Variants in FBXO25 observed in about 807,000 individuals in gnomAD.
FBXO25 encodes F-box only protein 25.
A neutral mutation model predicts 51.9 loss-of-function variants in FBXO25; 45 were observed. That is an observed-to-expected ratio of 0.87 (90% CI 0.68 to 1.11). The LOEUF (loss-of-function observed/expected upper bound fraction) is 1.11, where lower values mean the gene tolerates loss of function less well. FBXO25 is among the 50% of genes most tolerant of loss of function. The probability of loss-of-function intolerance (pLI) is 0.00; values close to 1 mark genes in which losing one functional copy is unlikely to be tolerated. For synonymous variants in FBXO25, 199 were observed against 151.0 expected, an observed-to-expected ratio of 1.32 and a Z score of -2.33; for missense variants, 507 against 428.5, an observed-to-expected ratio of 1.18 and a Z score of -1.62.
In FBXO25 at chr8:476,206, C is replaced by T. The variant is rs957144138; in HGVS notation, c.*7402C>T. On this transcript the variant is annotated 3_prime_UTR_variant, in exon 10 of 10. Transcript: ENST00000350302. The stretch of plus-strand genomic sequence containing the variant: ...ATGTTGAAACATCTTTGCATACCAG[C>T]TGTAAATCTTACTTGGCCATGATGT... The T allele has an allele frequency of 1.3e-5, 2 of 152,138 alleles. No individual in the cohort carries two copies. Among genetic ancestry groups the T allele is most frequent in the African/African-American group, 2.4e-5 (1 of 41,438 alleles). The allele number at this position is 152,138 out of a possible 1,614,324, so 9.4% of individuals were successfully genotyped here.
rs547087813 is a variant in FBXO25, at chr8:475,816, A to G, written c.*7012A>G. On this transcript the variant is annotated 3_prime_UTR_variant, in exon 10 of 10. Transcript: ENST00000350302. ...ATGTATGGACACTAGGATTTTCTAC[A>G]TATAAGATCATGTCATCTGCAAACA... The G allele has an allele frequency of 9.9e-5, 15 of 152,240 alleles. No individual in the cohort carries two copies. In the East Asian group the frequency reaches 2.9e-3, roughly 29 times the overall value. The allele number at this position is 152,240 out of a possible 1,614,324, so 9.4% of individuals were successfully genotyped here.
At chr8:434,606 G>C (rs1174132021) in intron 4 of FBXO25, among the ~76,000 whole-genome samples, 1 of 152,148 alleles carries the variant, frequency 6.6e-6, no homozygotes, top group Non-Finnish European at 1.5e-5. Context: ...GACTCCAGCT[G>C]CTTTCTCTAG....
chr8:441,386 A>T (rs1441631232), intron 5 of FBXO25, among the ~76,000 whole-genome samples: 2 of 152,256 alleles, frequency 1.3e-5, no homozygotes, highest in Non-Finnish European at 1.5e-5. Flanking sequence ...TTAAAGACTT[A>T]AACATAAGAC....
chr8:454,708 G>A (rs1450910284), intron 7 of FBXO25, among the ~76,000 whole-genome samples: 3 of 152,002 alleles, frequency 2.0e-5, no homozygotes, highest in Non-Finnish European at 4.4e-5. Flanking sequence ...TGGCTAACAC[G>A]GTGAAATCCC....
In FBXO25 at chr8:412,840, T is replaced by A. The variant is rs372232582; in HGVS notation, c.-7-233T>A. Among the ~76,000 whole-genome samples, 10 of 152,324 alleles carry A rather than the reference T, an allele frequency of 6.6e-5. No homozygotes were observed. The East Asian group carries it at 1.5e-3, about 24-fold the overall frequency. ...TAGAATGTCACCTCTGGTAAACCTTTCATGGGATACGCAGTATTAGGCCAG... is the reference window on the plus strand; with the variant it reads ...TAGAATGTCACCTCTGGTAAACCTTACATGGGATACGCAGTATTAGGCCAG... On this transcript the variant is annotated intron_variant, in intron 1 of 9. Coordinates refer to ENST00000350302, the MANE Select transcript of FBXO25 (RefSeq NM_183420.2).
At position 458,495 on chromosome 8, in the gene FBXO25, A is replaced by C. The variant is rs1307991272; in HGVS notation, c.787A>C (p.Ser263Arg). Residue 263 changes from serine (S) to arginine (R), a missense_variant, in exon 8 of 10, where the codon AGT (serine) becomes CGT (arginine). Ser to Arg is a moderately radical substitution (Grantham distance 110). Transcript: ENST00000350302. Reference protein sequence around the residue: ...GQVTPTLYMLSEDRQLWKKLC... With the variant: ...GQVTPTLYMLREDRQLWKKLC... ...GGTGACCCCCACGTTGTATATGCTT[A>C]GTGAAGACAGACAGCTGTGGAAGAA... 5.0e-6 allele frequency: 8 copies of C among 1,614,200 alleles called. No individual in the cohort carries two copies. Among genetic ancestry groups the C allele is most frequent in the South Asian group, 1.1e-5 (1 of 91,080 alleles).
At chr8:421,227 A>G (rs1215735559) in intron 2 of FBXO25, among the ~76,000 whole-genome samples, 5 of 152,070 alleles carry the variant, frequency 3.3e-5, no homozygotes, top group African/African-American at 9.7e-5. Flanking sequence ...TAACTAACTA[A>G]TGCCTGATGA....
At chr8:456,022 C>T (rs1162101629) in intron 7 of FBXO25, among the ~76,000 whole-genome samples, 1 of 152,146 alleles carries the variant, frequency 6.6e-6, no homozygotes, top group Non-Finnish European at 1.5e-5. Flanking sequence ...TTCGTACTAC[C>T]TTCATACCAC....
chr8:454,059 G>A (rs1457896407), intron 7 of FBXO25, among the ~76,000 whole-genome samples: 1 of 152,146 alleles, frequency 6.6e-6, no homozygotes, highest in African/African-American at 2.4e-5. Context: ...GGGAGGTGGA[G>A]GTTGCAGTGA....
rs532376303 is a variant in FBXO25, at chr8:427,118, A to C, written c.135-4223A>C. 8.0e-3 allele frequency among the ~76,000 whole-genome samples: 1,215 copies of C among 152,104 alleles called. 8 individuals are homozygous for C. Among genetic ancestry groups the C allele is most frequent in the African/African-American group, 0.028 (1,168 of 41,468 alleles). ...CTGATTGGAAAATGTACAGATAAAA[A>C]GCTAAGTTTAGTAGGTAGCCATTGA... is the stretch of plus-strand genomic sequence containing the variant. On this transcript the variant is annotated intron_variant, in intron 2 of 9. Coordinates refer to ENST00000350302, the MANE Select transcript of FBXO25 (RefSeq NM_183420.2).
chr8:460,381 C>G (rs994452060), intron 8 of FBXO25, among the ~76,000 whole-genome samples: 1 of 152,046 alleles, frequency 6.6e-6, no homozygotes, highest in African/African-American at 2.4e-5. Flanking sequence ...ATTTTCTTAA[C>G]TGAATCATAA....
chr8:443,410 G>A lies in FBXO25; in HGVS notation c.382-6580G>A, dbSNP rs554936038. 1.3e-3 allele frequency among the ~76,000 whole-genome samples: 203 copies of A among 151,664 alleles called. 1 individual carries two copies. The highest frequency in any genetic ancestry group is 4.6e-3 in the African/African-American group (189 of 41,066). ...ATGACTAAACACAGCAACTAAGAAT[G>A]CTTTTACCAAAATAAAATTATAAGT... On this transcript the variant is annotated intron_variant, in intron 5 of 9. Transcript: ENST00000350302.
intron 9 of FBXO25, among the ~76,000 whole-genome samples, chr8:464,964 C>T (rs777639857): frequency 1.3e-5 from 2 of 152,168 alleles, no homozygotes; most frequent in Non-Finnish European, 2.9e-5. Flanking sequence ...AGTTTATTCT[C>T]GATTTGGTGA....
chr8:417,568 G>C (rs1482620330), intron 2 of FBXO25, among the ~76,000 whole-genome samples: 1 of 152,164 alleles, frequency 6.6e-6, no homozygotes, highest in Non-Finnish European at 1.5e-5. Flanking sequence ...ATCTAAATCC[G>C]CCTTGTCTTG....
chr8:432,002 G>C (rs528557052), intron 3 of FBXO25, among the ~76,000 whole-genome samples: 39 of 152,102 alleles, frequency 2.6e-4, no homozygotes, highest in African/African-American at 9.2e-4. Flanking sequence ...TGGATACTAT[G>C]GTTTTTTTTA....
rs1282381330 is a variant in FBXO25 at position 411,531 on chromosome 8, C to G, written c.-7-1542C>G. Among the ~76,000 whole-genome samples the G allele has an allele frequency of 9.2e-5, 14 of 152,200 alleles. No homozygotes were observed. In the East Asian group the frequency reaches 1.7e-3, roughly 19 times the overall value. On this transcript the variant is annotated intron_variant, in intron 1 of 9. Transcript: ENST00000350302. ...CATGATTTTCCTCTTTCTCTCTAGT[C>G]TAACTCTCTTCTGAACCATGGATGT...
intron 1 of FBXO25, 140 bp from the exon 2 acceptor site, chr8:412,933 C>T (rs958705835): frequency 3.6e-6 from 3 of 826,270 alleles, no homozygotes; most frequent in Non-Finnish European, 5.2e-6. Context: ...TCACTGTCAC[C>T]AATGTCGAGC....
At chr8:420,965 G>C (rs1306787858) in intron 2 of FBXO25, among the ~76,000 whole-genome samples, 1 of 152,236 alleles carries the variant, frequency 6.6e-6, no homozygotes. Flanking sequence ...AACTGTGACA[G>C]ATGAATCAAA....
At chr8:431,276 C>T in intron 2 of FBXO25, 65 bp from the exon 3 acceptor site, 5 of 859,828 alleles carry the variant, frequency 5.8e-6, no homozygotes, top group South Asian at 4.8e-5. Context: ...TATCCTTTTA[C>T]AAAAGAAAAG....
Sources: allele counts gnomAD v4.1 joint callset (sites outside exome capture counted in the v4.1 genomes callset), GRCh38; gene constraint gnomAD v4.1.1; transcripts MANE v1.5; gene names NCBI Gene and HGNC (gene_info 2026-07-23, HGNC 2026-07-21).